PLXNC1: variants seen among roughly 807,000 people sequenced by gnomAD.
The protein encoded by PLXNC1 is plexin C1.
In PLXNC1, 75 loss-of-function variants were observed where a neutral mutation model predicts 178.2. The ratio of observed to expected loss-of-function variants is 0.42; its 90% CI spans 0.35 to 0.51. PLXNC1 has a LOEUF of 0.51. Among genes scored for constraint, PLXNC1 ranks in the 20% least tolerant of loss-of-function variants. The probability of loss-of-function intolerance (pLI) is 0.02; values close to 1 mark genes in which losing one functional copy is unlikely to be tolerated. For synonymous variants in PLXNC1, 790 were observed against 779.9 expected, an observed-to-expected ratio of 1.01 and a Z score of -0.22; for missense variants, 1,503 against 1,984.4, an observed-to-expected ratio of 0.76 and a Z score of 4.61.
intron 22 of PLXNC1, 152 bp from the exon 23 acceptor site, chr12:94,282,146 C>CA: frequency 1.7e-6 from 1 of 588,918 alleles, no homozygotes; most frequent in East Asian, 2.8e-5. Context: ...AAACAGAACT[C>CA]AGAATTCAGG....
intron 23 of PLXNC1, among the ~76,000 whole-genome samples, chr12:94,288,214 G>C (rs796761515): frequency 4.6e-5 from 7 of 152,312 alleles, no homozygotes; most frequent in African/African-American, 1.7e-4. Flanking sequence ...GGTGAATCTC[G>C]TGTCTGTGAG....
intron 23 of PLXNC1, among the ~76,000 whole-genome samples, chr12:94,289,949 G>GCTAT (rs1471601610): frequency 6.6e-6 from 1 of 152,172 alleles, no homozygotes; most frequent in East Asian, 1.9e-4. Context: ...CTGTGTCTAT[G>GCTAT]CTATCTTAAT....
intron 12 of PLXNC1, among the ~76,000 whole-genome samples, chr12:94,246,351 G>A (rs1187388003): frequency 6.6e-6 from 1 of 152,232 alleles, no homozygotes; most frequent in East Asian, 1.9e-4. Flanking sequence ...AGCAGAGCAG[G>A]TCTCAAGTGC....
Position 94,149,440 on chromosome 12 carries a change from C to G in PLXNC1, c.469C>G (p.His157Asp). The G allele has an allele frequency of 6.8e-7, 1 of 1,460,436 alleles. No homozygotes were observed. 90.5% of individuals were successfully genotyped at this position (1,460,436 alleles called of 1,614,324 possible). Residue 157 changes from histidine (H) to aspartate (D), a missense_variant, in exon 1 of 31, where the codon CAC becomes GAC. Transcript: ENST00000258526. ...LRNGTEVVSC[H>D]PQGSTAGVVY... Reference sequence around the variant, plus strand: ...CAACGGCACCGAGGTGGTGTCGTGCCACCCGCAGGGCTCGACGGCCGGCGT... The same window carrying G: ...CAACGGCACCGAGGTGGTGTCGTGCGACCCGCAGGGCTCGACGGCCGGCGT...
At chr12:94,200,323 C>G (rs1263619530) in intron 4 of PLXNC1, among the ~76,000 whole-genome samples, 3 of 152,208 alleles carry the variant, frequency 2.0e-5, no homozygotes, top group Non-Finnish European at 2.9e-5. Context: ...AAATATTCCT[C>G]AAATGTTTTC....
chr12:94,189,531 T>C (rs890298659), intron 4 of PLXNC1, among the ~76,000 whole-genome samples: 1 of 152,078 alleles, frequency 6.6e-6, no homozygotes, highest in Admixed American at 6.5e-5. Flanking sequence ...AATATGAACA[T>C]TAGCTGAGTG....
chr12:94,271,484 G>T (rs988999262), intron 21 of PLXNC1, among the ~76,000 whole-genome samples: 3 of 152,234 alleles, frequency 2.0e-5, no homozygotes, highest in Non-Finnish European at 2.9e-5. Flanking sequence ...GGTAAAACCG[G>T]TAGTGAAAGG....
intron 4 of PLXNC1, among the ~76,000 whole-genome samples, chr12:94,196,076 G>A (rs1007463047): frequency 6.6e-6 from 1 of 152,174 alleles, no homozygotes; most frequent in African/African-American, 2.4e-5. Flanking sequence ...TGATTGCCCT[G>A]AAACTTGACC....
At chr12:94,275,810 C>A (rs533689259) in intron 21 of PLXNC1, among the ~76,000 whole-genome samples, 3 of 83,480 alleles carry the variant, frequency 3.6e-5, no homozygotes, top group African/African-American at 5.2e-5. Context: ...AGCCGAGATC[C>A]CGCCACTGCA....
chr12:94,166,550 A>G (rs1961619383), intron 1 of PLXNC1, among the ~76,000 whole-genome samples: 1 of 149,202 alleles, frequency 6.7e-6, no homozygotes, highest in African/African-American at 2.5e-5. Context: ...TATTATTATT[A>G]TTATTATTAT....
chr12:94,177,063 G>C (rs1037959751), intron 2 of PLXNC1, among the ~76,000 whole-genome samples: 2 of 141,506 alleles, frequency 1.4e-5, no homozygotes, highest in Non-Finnish European at 3.1e-5. Context: ...ATGTGTGTGT[G>C]TGTGTGTGTG....
chr12:94,190,491 T>G (rs564636179), intron 4 of PLXNC1, among the ~76,000 whole-genome samples: 1 of 152,276 alleles, frequency 6.6e-6, no homozygotes, highest in Non-Finnish European at 1.5e-5. Context: ...TCCTCCTTCC[T>G]GGGCCTCCCA....
At chr12:94,297,913 C>T (rs572198840) in intron 26 of PLXNC1, among the ~76,000 whole-genome samples, 1 of 152,160 alleles carries the variant, frequency 6.6e-6, no homozygotes, top group Non-Finnish European at 1.5e-5. Context: ...GAATACCAAA[C>T]CGAGAGCAAA....
In PLXNC1 at chr12:94,283,284, G is replaced by C. The variant is rs549128959; in HGVS notation, c.3879+883G>C. On this transcript the variant is annotated intron_variant, in intron 23 of 30. Coordinates refer to ENST00000258526, the MANE Select transcript of PLXNC1 (RefSeq NM_005761.3). ...GAGCTAAACAATGAGAATTTAGCCA[G>C]ACTGGGCTAGGGTGCAGGCACATCC... Among the ~76,000 whole-genome samples the C allele has an allele frequency of 2.0e-5, 3 of 152,328 alleles. No individual in the cohort carries two copies. The East Asian group carries it at 5.8e-4, about 29-fold the overall frequency.
At chr12:94,201,179 G>T (rs1323880510) in intron 4 of PLXNC1, among the ~76,000 whole-genome samples, 2 of 152,216 alleles carry the variant, frequency 1.3e-5, no homozygotes, top group African/African-American at 2.4e-5. Context: ...GGTACTCAAG[G>T]TATGAAAGGA....
At chr12:94,152,569 T>TTA (rs2135916191) in intron 1 of PLXNC1, among the ~76,000 whole-genome samples, 1 of 152,366 alleles carries the variant, frequency 6.6e-6, no homozygotes, top group East Asian at 1.9e-4. Context: ...GCATGCTGAA[T>TTA]TATAGGTGCC....
At position 94,169,236 on chromosome 12, in the gene PLXNC1, C is replaced by T. The variant is rs772151160; in HGVS notation, c.1146C>T (p.Thr382=). 1.2e-5 allele frequency: 19 copies of T among 1,613,718 alleles called. 1 individual carries two copies. The highest frequency in any genetic ancestry group is 9.9e-5 in the South Asian group (9 of 91,084). ...IHSDLTSVYG[T]VVMNRTVLFL... is the part of the protein sequence containing the mutation. ...CCGACCTGACATCCGTTTATGGCAC[C>T]GTGGTAATGAACAGGACTGTTTTAT... is the stretch of plus-strand genomic sequence containing the variant. The change falls in exon 2 of 31, where the codon ACC becomes ACT. Residue 382 remains threonine (T), a synonymous_variant. Coordinates refer to ENST00000258526, the MANE Select transcript of PLXNC1 (RefSeq NM_005761.3).
intron 21 of PLXNC1, among the ~76,000 whole-genome samples, chr12:94,270,759 A>G (rs115276392): frequency 0.027 from 3,846 of 142,910 alleles, 172 homozygotes; most frequent in African/African-American, 0.091. Flanking sequence ...AATTATCTCC[A>G]TTACTTTTTT....
chr12:94,213,338 C>T (rs1325693437), intron 5 of PLXNC1, among the ~76,000 whole-genome samples: 3 of 152,154 alleles, frequency 2.0e-5, no homozygotes, highest in Non-Finnish European at 2.9e-5. Flanking sequence ...TTTTAATGAT[C>T]GCCATTCTAA....
Sources: allele counts gnomAD v4.1 joint callset (sites outside exome capture counted in the v4.1 genomes callset), GRCh38; gene constraint gnomAD v4.1.1; transcripts MANE v1.5; gene names NCBI Gene and HGNC (gene_info 2026-07-23, HGNC 2026-07-21).